Variants in LIMS4 observed in about 807,000 individuals in gnomAD.
The protein encoded by LIMS4 is LIM and senescent cell antigen-like-containing domain protein 4.
At chr2:110,367,675 A>C in the LIMS4 span, among the ~76,000 whole-genome samples, 1 of 146,422 alleles carries the variant, frequency 6.8e-6, no homozygotes. Context: ...TAAGGAGTTC[A>C]AGACCAGCCT....
the LIMS4 span, among the ~76,000 whole-genome samples, chr2:110,419,668 A>G: frequency 2.2e-5 from 1 of 45,546 alleles, no homozygotes. Flanking sequence ...AAAAAAAAAA[A>G]AAAAAAAAAG....
At chr2:110,392,436 C>CA in the LIMS4 span, among the ~76,000 whole-genome samples, 197 of 131,680 alleles carry the variant, frequency 1.5e-3, no homozygotes, top group South Asian at 0.012. Context: ...GAGTCCGTCT[C>CA]AAAAAAAAAA....
the LIMS4 span, among the ~76,000 whole-genome samples, chr2:110,390,860 G>A: frequency 2.0e-5 from 3 of 152,240 alleles, no homozygotes; most frequent in Non-Finnish European, 4.4e-5. Flanking sequence ...GGGGGAGCGG[G>A]ACCAAGCCAC....
At chr2:110,418,669 T>C in the LIMS4 span, among the ~76,000 whole-genome samples, 1 of 112,076 alleles carries the variant, frequency 8.9e-6, no homozygotes, top group East Asian at 2.3e-4. Flanking sequence ...TTTTTTTTTT[T>C]TTCTGAGGCA....
At chr2:110,382,634 A>G in the LIMS4 span, 2 of 60,254 alleles carry the variant, frequency 3.3e-5, no homozygotes, top group African/African-American at 2.0e-4. Flanking sequence ...GAAGAGATAG[A>G]TAAAATACGG....
chr2:110,396,165 T>C, the LIMS4 span, among the ~76,000 whole-genome samples: 2 of 98,808 alleles, frequency 2.0e-5, no homozygotes, highest in African/African-American at 1.0e-4. Flanking sequence ...ACTGTCACTT[T>C]GAATTGTCAC....
the LIMS4 span, among the ~76,000 whole-genome samples, chr2:110,411,218 T>C: frequency 1.2e-5 from 1 of 83,164 alleles, no homozygotes; most frequent in Non-Finnish European, 2.2e-5. Flanking sequence ...ACATTTTTCT[T>C]TTACATATTT....
chr2:110,456,537 T>C (rs1248454295), intron 3 of LIMS4, among the ~76,000 whole-genome samples: 1 of 152,274 alleles, frequency 6.6e-6, no homozygotes, highest in East Asian at 1.9e-4. Context: ...TAAAAATCAA[T>C]GATCTCTAGG....
chr2:110,395,907 G>A, the LIMS4 span, among the ~76,000 whole-genome samples: 2 of 138,988 alleles, frequency 1.4e-5, no homozygotes, highest in Non-Finnish European at 3.0e-5. Flanking sequence ...CATGGGCAAA[G>A]AGCTATAAAA....
At chr2:110,422,877 GACTGTGCCAGGC>G in the LIMS4 span, among the ~76,000 whole-genome samples, 2 of 121,950 alleles carry the variant, frequency 1.6e-5, no homozygotes, top group Non-Finnish European at 3.2e-5. Context: ...TGGCTGTCAT[GACTGTGCCAGGC>G]ACTGTGCCAG....
chr2:110,392,139 TAGAAAA>T, the LIMS4 span, among the ~76,000 whole-genome samples: 1 of 152,088 alleles, frequency 6.6e-6, no homozygotes, highest in Non-Finnish European at 1.5e-5. Context: ...ACCAGAAAAT[TAGAAAA>T]AGACTTCTGG....
chr2:110,410,615 AG>A, the LIMS4 span, among the ~76,000 whole-genome samples: 1 of 106,218 alleles, frequency 9.4e-6, no homozygotes, highest in Non-Finnish European at 1.8e-5. Flanking sequence ...TACTATCCCA[AG>A]GGCATTCATA....
At chr2:110,418,626 A>G in the LIMS4 span, among the ~76,000 whole-genome samples, 1 of 53,324 alleles carries the variant, frequency 1.9e-5, no homozygotes, top group South Asian at 6.4e-4. Context: ...TTTTCCTAGT[A>G]TTTCTTCTAT....
the LIMS4 span, among the ~76,000 whole-genome samples, chr2:110,367,819 A>G: frequency 3.6e-5 from 5 of 140,006 alleles, no homozygotes; most frequent in African/African-American, 1.2e-4. Context: ...GGAGGTGGAG[A>G]TTGCAGTGAG....
At chr2:110,382,060 C>T in the LIMS4 span, among the ~76,000 whole-genome samples, 3 of 21,954 alleles carry the variant, frequency 1.4e-4, no homozygotes, top group South Asian at 2.2e-3. Flanking sequence ...AGTAAGACTC[C>T]GTCTCAAAAA....
the LIMS4 span, among the ~76,000 whole-genome samples, chr2:110,365,875 A>T: frequency 1.4e-5 from 2 of 147,152 alleles, 1 homozygote; most frequent in Non-Finnish European, 3.0e-5. Context: ...AAATACAAAA[A>T]CTCTGAGACC....
At chr2:110,385,239 G>A in the LIMS4 span, among the ~76,000 whole-genome samples, 1 of 151,132 alleles carries the variant, frequency 6.6e-6, no homozygotes, top group Middle Eastern at 3.2e-3. Flanking sequence ...ATAAATAAAA[G>A]CTCTAGTTCA....
the LIMS4 span, among the ~76,000 whole-genome samples, chr2:110,391,149 C>T: frequency 1.4e-5 from 2 of 142,730 alleles, no homozygotes; most frequent in African/African-American, 5.5e-5. Flanking sequence ...GGGGGGAGAG[C>T]AGGGGAGGGA....
At chr2:110,366,944 GACACACACACAC>G in the LIMS4 span, among the ~76,000 whole-genome samples, 1,412 of 125,446 alleles carry the variant, frequency 0.011, no homozygotes, top group Middle Eastern at 0.029. Context: ...ATTCACAATA[GACACACACACAC>G]ACACACACAC....
Sources: allele counts gnomAD v4.1 joint callset (sites outside exome capture counted in the v4.1 genomes callset), GRCh38; gene constraint gnomAD v4.1.1; transcripts MANE v1.5; gene names NCBI Gene and HGNC (gene_info 2026-07-23, HGNC 2026-07-21).